Variants in BNC2 observed in about 807,000 individuals in gnomAD.
BNC2 encodes basonuclin zinc finger protein 2.
A neutral mutation model predicts 76.3 loss-of-function variants in BNC2; 20 were observed. That is an observed-to-expected ratio of 0.26 (90% CI 0.18 to 0.38). The LOEUF (loss-of-function observed/expected upper bound fraction) is 0.38, where lower values mean the gene tolerates loss of function less well. BNC2 is among the 10% of genes least tolerant of loss of function. The probability of loss-of-function intolerance (pLI) is 1.00; values close to 1 mark genes in which losing one functional copy is unlikely to be tolerated. For synonymous variants in BNC2, 582 were observed against 514.8 expected, an observed-to-expected ratio of 1.13 and a Z score of -1.77; for missense variants, 1,382 against 1,399.8, an observed-to-expected ratio of 0.99 and a Z score of 0.20.
chr9:16,753,077 C>A (rs1825268306), intron 1 of BNC2, among the ~76,000 whole-genome samples: 1 of 152,156 alleles, frequency 6.6e-6, no homozygotes, highest in Non-Finnish European at 1.5e-5. Context: ...TGACCTGAAA[C>A]TGTGTATTTT....
intron 5 of BNC2, among the ~76,000 whole-genome samples, chr9:16,453,043 G>C (rs1020973527): frequency 1.4e-4 from 21 of 152,172 alleles, no homozygotes; most frequent in African/African-American, 4.8e-4. Flanking sequence ...AATGCAGTCT[G>C]TGCCTTGGTC....
intron 3 of BNC2, among the ~76,000 whole-genome samples, chr9:16,587,828 C>G (rs895488478): frequency 6.6e-6 from 1 of 152,182 alleles, no homozygotes; most frequent in African/African-American, 2.4e-5. Flanking sequence ...CTTTGGAGTT[C>G]AAGTACCACT....
chr9:16,617,007 C>T (rs939111839), intron 3 of BNC2, among the ~76,000 whole-genome samples: 4 of 152,138 alleles, frequency 2.6e-5, no homozygotes, highest in African/African-American at 9.7e-5. Context: ...ATATGAAACC[C>T]AGTTTTGTGA....
rs947355417 is a variant in BNC2, at chr9:16,418,258, T to C, written c.*731A>G. The C allele has an allele frequency of 1.3e-5, 2 of 152,698 alleles. No homozygotes were observed. Among genetic ancestry groups the C allele is most frequent in the African/African-American group, 4.8e-5 (2 of 41,464 alleles). The allele number at this position is 152,698 out of a possible 1,614,324, so 9.5% of individuals were successfully genotyped here. On this transcript the variant is annotated 3_prime_UTR_variant, in exon 7 of 7. Transcript: ENST00000380672. ...GCATGCCAGCACCTCTTTAGCACTATATCTAACAGGTAGTAAAAACAAGAC... is the reference window on the plus strand; with the variant it reads ...GCATGCCAGCACCTCTTTAGCACTACATCTAACAGGTAGTAAAAACAAGAC...
At chr9:16,675,913 A>G (rs1248539061) in intron 3 of BNC2, among the ~76,000 whole-genome samples, 1 of 152,120 alleles carries the variant, frequency 6.6e-6, no homozygotes, top group Non-Finnish European at 1.5e-5. Flanking sequence ...TAAAATACAA[A>G]AATTAGCTGG....
chr9:16,681,752 T>G (rs1822828008), intron 3 of BNC2, among the ~76,000 whole-genome samples: 1 of 152,200 alleles, frequency 6.6e-6, no homozygotes, highest in Non-Finnish European at 1.5e-5. Flanking sequence ...ATGTACATTT[T>G]TCAAATAAAC....
chr9:16,467,584 A>C (rs1258547083), intron 5 of BNC2, among the ~76,000 whole-genome samples: 1 of 140,924 alleles, frequency 7.1e-6, no homozygotes, highest in Non-Finnish European at 1.5e-5. Context: ...TCGCAAGAAC[A>C]AAAAACCAAA....
At chr9:16,833,125 C>T (rs1818621522) in intron 1 of BNC2, among the ~76,000 whole-genome samples, 1 of 151,936 alleles carries the variant, frequency 6.6e-6, no homozygotes, top group South Asian at 2.1e-4. Flanking sequence ...AGAACAAAAC[C>T]CTCAGGAAAG....
chr9:16,429,718 T>C (rs184401430), intron 6 of BNC2: 148 of 311,698 alleles, frequency 4.7e-4, no homozygotes, highest in African/African-American at 2.9e-3. Flanking sequence ...CTCTCATCAA[T>C]AGAAATTTGT....
intron 1 of BNC2, among the ~76,000 whole-genome samples, chr9:16,797,147 T>C (rs542264347): frequency 6.2e-4 from 63 of 100,910 alleles, no homozygotes; most frequent in African/African-American, 1.5e-3. Flanking sequence ...AAGCTTAATA[T>C]AGATTTTTTT....
At chr9:16,802,014 C>T (rs1817797729) in intron 1 of BNC2, among the ~76,000 whole-genome samples, 1 of 152,014 alleles carries the variant, frequency 6.6e-6, no homozygotes, top group South Asian at 2.1e-4. Context: ...CAATTTTTTT[C>T]ACAAGCACTC....
chr9:16,433,729 G>T (rs1820949831), intron 6 of BNC2, among the ~76,000 whole-genome samples: 1 of 152,126 alleles, frequency 6.6e-6, no homozygotes, highest in African/African-American at 2.4e-5. Flanking sequence ...TGGTCTCACA[G>T]CTATTTATTC....
chr9:16,438,808 G>T (rs977489632), intron 5 of BNC2, among the ~76,000 whole-genome samples: 1 of 152,020 alleles, frequency 6.6e-6, no homozygotes, highest in Non-Finnish European at 1.5e-5. Flanking sequence ...CGTTACCACC[G>T]TGAGTAGAAA....
chr9:16,681,474 C>A (rs1822819739), intron 3 of BNC2, among the ~76,000 whole-genome samples: 1 of 152,068 alleles, frequency 6.6e-6, no homozygotes, highest in Non-Finnish European at 1.5e-5. Context: ...GGAAAGAGCA[C>A]TGCAAAGATC....
chr9:16,593,391 C>A (rs1819984863), intron 3 of BNC2, among the ~76,000 whole-genome samples: 1 of 151,992 alleles, frequency 6.6e-6, no homozygotes, highest in African/African-American at 2.4e-5. Context: ...CTATCACAAC[C>A]TACTATCAAT....
Position 16,870,663 on chromosome 9 carries a change from T to A in BNC2, c.-15A>T. 1.2e-6 allele frequency: 2 copies of A among 1,610,424 alleles called. No individual in the cohort carries two copies. The highest frequency in any genetic ancestry group is 1.3e-5 in the African/African-American group (1 of 74,340). ...CTTCTTACCATCTCGGCATGCTGGT[T>A]GTCAAGTGCAGCCCCCGCCTCTTGG... On this transcript the variant is annotated 5_prime_UTR_variant, in exon 1 of 7. Transcript: ENST00000380672.
At chr9:16,581,424 G>A (rs542088295) in intron 4 of BNC2, among the ~76,000 whole-genome samples, 1 of 152,274 alleles carries the variant, frequency 6.6e-6, no homozygotes, top group South Asian at 2.1e-4. Flanking sequence ...TGGGTGTGGT[G>A]GCGCATGCCT....
chr9:16,861,205 T>TATATATATATATATATA (rs1241413014), intron 1 of BNC2, among the ~76,000 whole-genome samples: 16 of 141,568 alleles, frequency 1.1e-4, no homozygotes, highest in African/African-American at 3.0e-4. Context: ...TATATATAAA[T>TATATATATATATATATA]TAACCAGGCA....
At chr9:16,709,570 C>T (rs1823774528) in intron 3 of BNC2, among the ~76,000 whole-genome samples, 1 of 148,878 alleles carries the variant, frequency 6.7e-6, no homozygotes, top group South Asian at 2.1e-4. Flanking sequence ...GCCCAGCATT[C>T]AGGAGCCTCA....
Sources: allele counts gnomAD v4.1 joint callset (sites outside exome capture counted in the v4.1 genomes callset), GRCh38; gene constraint gnomAD v4.1.1; transcripts MANE v1.5; gene names NCBI Gene and HGNC (gene_info 2026-07-23, HGNC 2026-07-21).